Variants in SPAG16 observed in about 807,000 individuals in gnomAD.
The protein encoded by SPAG16 is sperm associated antigen 16.
Under a neutral mutation model 80.4 loss-of-function variants are expected in SPAG16, and 86 were observed. That is an observed-to-expected ratio of 1.07 (90% confidence interval 0.90 to 1.28). The LOEUF is 1.28. Among genes scored for constraint, SPAG16 ranks in the 50% most tolerant of loss-of-function variants. The pLI is 0.00. For missense variants in SPAG16, 870 were observed against 765.3 expected (o/e 1.14, Z -1.61); for synonymous variants, 294 against 265.9 (o/e 1.11, Z -1.03).
intron 13 of SPAG16, among the ~76,000 whole-genome samples, chr2:214,096,041 T>C (rs2125338597): frequency 6.6e-6 from 1 of 152,158 alleles, no homozygotes; most frequent in Non-Finnish European, 1.5e-5. Context: ...GTGAGAATAA[T>C]TAATTGAATA....
chr2:213,412,034 T>C (rs1399453393), intron 9 of SPAG16, among the ~76,000 whole-genome samples: 1 of 152,216 alleles, frequency 6.6e-6, no homozygotes, highest in African/African-American at 2.4e-5. Context: ...GTAAACTTCC[T>C]CGTGAAGCAA....
intron 9 of SPAG16, among the ~76,000 whole-genome samples, chr2:213,404,067 C>G (rs1363403158): frequency 1.3e-5 from 2 of 152,174 alleles, no homozygotes; most frequent in Admixed American, 6.5e-5. Flanking sequence ...AGGATACAAA[C>G]AAATGGAAGA....
At chr2:214,026,817 A>G (rs1391731398) in intron 13 of SPAG16, among the ~76,000 whole-genome samples, 1 of 151,372 alleles carries the variant, frequency 6.6e-6, no homozygotes, top group Non-Finnish European at 1.5e-5. Context: ...CCTTAAACAG[A>G]CTCTTAATTA....
chr2:214,314,947 A>G (rs1324287615), intron 15 of SPAG16, among the ~76,000 whole-genome samples: 1 of 149,670 alleles, frequency 6.7e-6, no homozygotes, highest in East Asian at 2.0e-4. Flanking sequence ...TTAAACCAAT[A>G]TGATACTGTA....
At chr2:213,492,636 C>T (rs941924704) in intron 10 of SPAG16, among the ~76,000 whole-genome samples, 1 of 150,260 alleles carries the variant, frequency 6.7e-6, no homozygotes, top group Non-Finnish European at 1.5e-5. Context: ...GTCTACAATA[C>T]AGTGTTTATT....
chr2:214,226,509 T>C (rs1453500317), intron 15 of SPAG16, among the ~76,000 whole-genome samples: 1 of 152,050 alleles, frequency 6.6e-6, no homozygotes, highest in Admixed American at 6.6e-5. Context: ...ATTACAACCA[T>C]CATATCTGTG....
intron 10 of SPAG16, among the ~76,000 whole-genome samples, chr2:213,758,387 G>T (rs879657892): frequency 3.3e-5 from 5 of 151,966 alleles, no homozygotes; most frequent in Admixed American, 2.6e-4. Context: ...TGGTGGATCT[G>T]CTACAGAGGG....
intron 15 of SPAG16, among the ~76,000 whole-genome samples, chr2:214,256,705 C>G (rs1290939139): frequency 2.0e-5 from 3 of 151,826 alleles, no homozygotes; most frequent in Non-Finnish European, 4.4e-5. Context: ...TCCTTTGGTG[C>G]CTTTATTAAA....
chr2:213,466,047 G>T (rs888192931), intron 9 of SPAG16, among the ~76,000 whole-genome samples: 1 of 152,154 alleles, frequency 6.6e-6, no homozygotes, highest in Non-Finnish European at 1.5e-5. Context: ...GGAAAAGACT[G>T]ACTGGCTTAG....
chr2:214,158,530 C>G (rs1187092953), intron 15 of SPAG16, among the ~76,000 whole-genome samples: 5 of 151,882 alleles, frequency 3.3e-5, no homozygotes, highest in African/African-American at 1.2e-4. Context: ...AAATTAATGA[C>G]TGGATCAAAG....
At chr2:213,286,903 T>C (rs2062075231) in intron 1 of SPAG16, among the ~76,000 whole-genome samples, 1 of 152,238 alleles carries the variant, frequency 6.6e-6, no homozygotes, top group Non-Finnish European at 1.5e-5. Flanking sequence ...GGGACATTAA[T>C]GAAGGTCCCA....
At chr2:214,332,192 C>T (rs1389474991) in intron 15 of SPAG16, among the ~76,000 whole-genome samples, 2 of 152,196 alleles carry the variant, frequency 1.3e-5, no homozygotes, top group Admixed American at 6.5e-5. Flanking sequence ...GTGGAGGTTG[C>T]AGTGAGCCAA....
chr2:213,815,381 C>T (rs375799064), intron 10 of SPAG16, among the ~76,000 whole-genome samples: 2 of 152,116 alleles, frequency 1.3e-5, no homozygotes, highest in African/African-American at 4.8e-5. Context: ...ATGTCCTATA[C>T]TATGATTCTA....
At chr2:214,401,578 A>G (rs1050547466) in intron 15 of SPAG16, among the ~76,000 whole-genome samples, 1 of 151,966 alleles carries the variant, frequency 6.6e-6, no homozygotes, top group Non-Finnish European at 1.5e-5. Flanking sequence ...ATGAATAATC[A>G]TGAGAAATTA....
At chr2:213,556,730 C>G (rs1575962062) in intron 10 of SPAG16, among the ~76,000 whole-genome samples, 1 of 152,086 alleles carries the variant, frequency 6.6e-6, no homozygotes, top group East Asian at 1.9e-4. Flanking sequence ...GAACTATACT[C>G]TTTAGACCAA....
chr2:214,027,137 A>T (rs1445806085), intron 13 of SPAG16, among the ~76,000 whole-genome samples: 3 of 151,578 alleles, frequency 2.0e-5, no homozygotes, highest in Non-Finnish European at 3.0e-5. Context: ...CACACCCTTA[A>T]AATAAGTAAT....
rs1026358472 is a variant in SPAG16, at chr2:213,317,573, T to G, written c.536+217T>G. 33 of 1,211,706 alleles carry G rather than the reference T, an allele frequency of 2.7e-5. No individual in the cohort carries two copies. In the African/African-American group the frequency reaches 4.8e-4, roughly 17 times the overall value. The allele number at this position is 1,211,706 out of a possible 1,614,324, so 75.1% of individuals were successfully genotyped here. A position where few individuals can be genotyped will look rare whatever the true frequency, so the allele number is the denominator to read the frequency against. The stretch of plus-strand genomic sequence containing the variant: ...ACCAACAAGAAGGGAATGCAGGTAG[T>G]TGTTTAGGAGATGGTACATTTTTTA... On this transcript the variant is annotated intron_variant, in intron 5 of 15. Coordinates refer to ENST00000331683, the MANE Select transcript of SPAG16 (RefSeq NM_024532.5).
intron 15 of SPAG16, among the ~76,000 whole-genome samples, chr2:214,387,176 T>C (rs1378023166): frequency 6.6e-6 from 1 of 152,204 alleles, no homozygotes; most frequent in Non-Finnish European, 1.5e-5. Flanking sequence ...CCTTAGCCAT[T>C]TGATGTCTCT....
chr2:214,088,429 T>C (rs1267275583), intron 13 of SPAG16, among the ~76,000 whole-genome samples: 2 of 152,120 alleles, frequency 1.3e-5, no homozygotes, highest in East Asian at 1.9e-4. Flanking sequence ...CACAGAACTA[T>C]GTTTATTCTA....
Sources: allele counts gnomAD v4.1 joint callset (sites outside exome capture counted in the v4.1 genomes callset), GRCh38; gene constraint gnomAD v4.1.1; transcripts MANE v1.5; gene names NCBI Gene and HGNC (gene_info 2026-07-23, HGNC 2026-07-21).